RIMS1: variants seen among roughly 807,000 people sequenced by gnomAD.
RIMS1 encodes regulating synaptic membrane exocytosis protein 1.
A neutral mutation model predicts 214.1 loss-of-function variants in RIMS1; 83 were observed. The observed-to-expected ratio is 0.39, with a 90% CI of 0.32 to 0.47. The LOEUF (loss-of-function observed/expected upper bound fraction) is 0.47, where lower values mean the gene tolerates loss of function less well. RIMS1 is among the 20% of genes least tolerant of loss of function. The pLI is 0.99. For missense variants in RIMS1, 2,050 were observed against 2,161.8 expected, an observed-to-expected ratio of 0.95 and a Z score of 1.03; for synonymous variants, 793 against 786.8, an observed-to-expected ratio of 1.01 and a Z score of -0.13.
chr6:72,233,469 A>G (rs1018156015), intron 6 of RIMS1, among the ~76,000 whole-genome samples: 1 of 150,372 alleles, frequency 6.7e-6, no homozygotes, highest in Non-Finnish European at 1.5e-5. Context: ...CTGGGTATGG[A>G]CTGTCCTTTA....
intron 28 of RIMS1, among the ~76,000 whole-genome samples, chr6:72,330,871 A>G (rs1222187698): frequency 1.3e-5 from 2 of 151,722 alleles, no homozygotes; most frequent in African/African-American, 4.8e-5. Flanking sequence ...ATTGAATATT[A>G]TAATATTATA....
intron 1 of RIMS1, among the ~76,000 whole-genome samples, chr6:71,937,653 A>C (rs1481860299): frequency 1.3e-5 from 2 of 152,184 alleles, no homozygotes; most frequent in Non-Finnish European, 2.9e-5. Flanking sequence ...GGGTGAGAGT[A>C]CATGAGACAG....
chr6:72,094,980 C>T (rs2030873470), intron 2 of RIMS1, among the ~76,000 whole-genome samples: 1 of 151,132 alleles, frequency 6.6e-6, no homozygotes. Context: ...TTGACAGAGC[C>T]TCGCTCTGTC....
chr6:72,116,355 G>T (rs926512300), intron 4 of RIMS1, among the ~76,000 whole-genome samples: 3 of 151,978 alleles, frequency 2.0e-5, no homozygotes, highest in Non-Finnish European at 4.4e-5. Context: ...AATTCTGAGT[G>T]GGGGTCAAGG....
At chr6:72,173,443 GTTTT>G (rs1455767711) in intron 4 of RIMS1, among the ~76,000 whole-genome samples, 4 of 150,502 alleles carry the variant, frequency 2.7e-5, no homozygotes, top group African/African-American at 9.8e-5. Flanking sequence ...TTTATCTCAT[GTTTT>G]TTATTTCATG....
intron 1 of RIMS1, among the ~76,000 whole-genome samples, chr6:71,907,960 T>G (rs1242835151): frequency 6.6e-6 from 1 of 152,212 alleles, no homozygotes; most frequent in East Asian, 1.9e-4. Flanking sequence ...TTAATTGTTT[T>G]TCCTTCAAAT....
intron 1 of RIMS1, among the ~76,000 whole-genome samples, chr6:71,896,633 C>CAT (rs1771882804): frequency 6.6e-6 from 1 of 152,112 alleles, no homozygotes; most frequent in South Asian, 2.1e-4. Flanking sequence ...AAAAATATGA[C>CAT]ATACGCACTT....
chr6:72,008,339 G>T (rs927763764), intron 2 of RIMS1, among the ~76,000 whole-genome samples: 3 of 152,150 alleles, frequency 2.0e-5, no homozygotes, highest in Non-Finnish European at 2.9e-5. Context: ...AACACGGAAA[G>T]AAACAACTGG....
intron 6 of RIMS1, among the ~76,000 whole-genome samples, chr6:72,218,457 A>G (rs1221339850): frequency 2.0e-5 from 3 of 152,246 alleles, no homozygotes; most frequent in Non-Finnish European, 4.4e-5. Flanking sequence ...GGTCAGAGGC[A>G]AATGGAAAAG....
At chr6:71,990,236 C>G (rs1425017653) in intron 2 of RIMS1, among the ~76,000 whole-genome samples, 3 of 152,182 alleles carry the variant, frequency 2.0e-5, no homozygotes, top group Non-Finnish European at 4.4e-5. Context: ...CTCCAGAAAT[C>G]TTCACTAACA....
chr6:71,972,585 C>G (rs1796125200), intron 2 of RIMS1, among the ~76,000 whole-genome samples: 1 of 152,114 alleles, frequency 6.6e-6, no homozygotes, highest in Non-Finnish European at 1.5e-5. Context: ...AAATGTCACT[C>G]AGTCATATTT....
intron 28 of RIMS1, among the ~76,000 whole-genome samples, chr6:72,323,684 C>A (rs1006341678): frequency 3.3e-5 from 5 of 151,680 alleles, no homozygotes; most frequent in Admixed American, 2.0e-4. Flanking sequence ...GACAATTTTC[C>A]AGGACTGATA....
chr6:72,223,812 G>T (rs1482668303), intron 6 of RIMS1, among the ~76,000 whole-genome samples: 1 of 152,010 alleles, frequency 6.6e-6, no homozygotes, highest in Admixed American at 6.6e-5. Flanking sequence ...GCCAGGCGTG[G>T]TGGTGGGCAC....
At chr6:72,240,845 G>A (rs867212036) in intron 9 of RIMS1, among the ~76,000 whole-genome samples, 46 of 151,714 alleles carry the variant, frequency 3.0e-4, no homozygotes, top group African/African-American at 8.4e-4. Flanking sequence ...GTGAAACCCC[G>A]TCTCTACTAA....
At chr6:71,962,410 A>G (rs181594615) in intron 1 of RIMS1, among the ~76,000 whole-genome samples, 1 of 152,248 alleles carries the variant, frequency 6.6e-6, no homozygotes, top group East Asian at 1.9e-4. Context: ...TTGCCTTATA[A>G]CTAGGAACCT....
At chr6:72,039,832 T>A (rs947428111) in intron 2 of RIMS1, among the ~76,000 whole-genome samples, 1 of 151,936 alleles carries the variant, frequency 6.6e-6, no homozygotes, top group Non-Finnish European at 1.5e-5. Flanking sequence ...ACAGGTACAA[T>A]GATTCAAAGC....
rs1329933978 is a variant in RIMS1 at position 72,390,612 on chromosome 6, A to C, written c.4381A>C (p.Lys1461Gln). ...TCTCCTGTCAGAGTCGGGCCACAAA[A>C]AGTTAAAAAGTACCATCCAGAGAAG... ...QLSQTESGHK[K>Q]LKSTIQRSTE... Residue 1461 changes from lysine (K) to glutamine (Q), a missense_variant, in exon 30 of 34, where the codon AAG (lysine) becomes CAG (glutamine). This residue lies in a region of RIMS1 where 889 missense variants were observed against 885.5 expected (regional missense o/e 1.00). Transcript: ENST00000521978. The C allele has an allele frequency of 6.2e-7, 1 of 1,613,500 alleles. No individual in the cohort carries two copies. Among genetic ancestry groups the C allele is most frequent in the South Asian group, 1.1e-5 (1 of 91,026 alleles).
chr6:72,099,873 T>G, intron 3 of RIMS1, 102 bp from the exon 4 acceptor site: 1 of 857,954 alleles, frequency 1.2e-6, no homozygotes, highest in African/African-American at 1.7e-5. Flanking sequence ...AAGAAACACA[T>G]AATTGTTTTC....
In RIMS1 at chr6:72,381,945, A is replaced by C. The variant is rs181792645; in HGVS notation, c.4367-8653A>C. On this transcript the variant is annotated intron_variant, in intron 29 of 33. Coordinates refer to ENST00000521978, the MANE Select transcript of RIMS1 (RefSeq NM_014989.7). ...TCTTTTGGGTTAGGGAAATGCAATA[A>C]AAGTGGATAAGTACATCACTAGGAA... Among the ~76,000 whole-genome samples the C allele has an allele frequency of 3.3e-5, 5 of 152,362 alleles. No homozygotes were observed. In the East Asian group the frequency reaches 7.7e-4, roughly 23 times the overall value.
Sources: allele counts gnomAD v4.1 joint callset (sites outside exome capture counted in the v4.1 genomes callset), GRCh38; gene constraint gnomAD v4.1.1; regional missense constraint gnomAD v4.1.1; transcripts MANE v1.5; gene names NCBI Gene and HGNC (gene_info 2026-07-23, HGNC 2026-07-21).